RSPH4A: variants seen among roughly 807,000 people sequenced by gnomAD.
The protein encoded by RSPH4A is radial spoke head protein 4 homolog A.
RSPH4A carries 47 observed loss-of-function variants against 71.0 expected under a neutral mutation model. The ratio of observed to expected loss-of-function variants is 0.66; its 90% confidence interval spans 0.52 to 0.84. The LOEUF is 0.84. RSPH4A is among the 40% of genes least tolerant of loss of function. The pLI is 0.00. For synonymous variants in RSPH4A, 282 were observed against 302.3 expected, an observed-to-expected ratio of 0.93 and a Z score of 0.70; for missense variants, 793 against 855.2, an observed-to-expected ratio of 0.93 and a Z score of 0.91.
chr6:116,617,504 T>G (rs1320919016), intron 1 of RSPH4A, among the ~76,000 whole-genome samples, 195 bp downstream of exon 1: 2 of 148,568 alleles, frequency 1.3e-5, no homozygotes, highest in African/African-American at 5.1e-5. Flanking sequence ...TACCTTCTTT[T>G]TCTTAACCTT....
intron 5 of RSPH4A, 115 bp downstream of exon 5, chr6:116,630,667 GTTTTTTTTTTT>G (rs11459167): frequency 2.0e-5 from 5 of 250,954 alleles, no homozygotes; most frequent in African/African-American, 5.2e-5. Context: ...TTTTTTTCGT[GTTTTTTTTTTT>G]TTTTTTTTTT....
intron 2 of RSPH4A, among the ~76,000 whole-genome samples, chr6:116,625,476 G>T (rs568130451): frequency 1.3e-5 from 2 of 152,288 alleles, no homozygotes; most frequent in African/African-American, 4.8e-5. Flanking sequence ...TAAACAGTAA[G>T]AAGTTTTTAA....
In RSPH4A at chr6:116,616,558, G is replaced by C; in HGVS notation, c.-66G>C. 1.5e-6 allele frequency: 2 copies of C among 1,371,858 alleles called. No homozygotes were observed. The highest frequency in any genetic ancestry group is 3.9e-5 in the Admixed American group (2 of 51,170). The allele number at this position is 1,371,858 out of a possible 1,614,324, so 85.0% of individuals were successfully genotyped here. A position where few individuals can be genotyped will look rare whatever the true frequency, so the allele number is the denominator to read the frequency against. On this transcript the variant is annotated 5_prime_UTR_variant, in exon 1 of 6. Coordinates refer to ENST00000229554, the MANE Select transcript of RSPH4A (RefSeq NM_001010892.3). ...GAGACCGCGGCAAAGTAACTTAACT[G>C]AGTTGCCTTCTTCCATATTTTCACG... is the stretch of plus-strand genomic sequence containing the variant.
Position 116,632,391 on chromosome 6 carries a change from G to C in RSPH4A, c.2101G>C (p.Glu701Gln), listed in dbSNP as rs140660854. Residue 701 changes from glutamate to glutamine, a missense_variant, in exon 6 of 6, where the codon GAG becomes CAG. By Grantham distance (29) the Glu-to-Gln change is conservative (BLOSUM62 2). Transcript: ENST00000229554. ...AAQEAVLLAA[E>Q]NEESEEDEDE... Reference sequence around the variant, plus strand: ...ACAAGAAGCAGTTCTACTCGCAGCTGAGAATGAAGAATCTGAGGAAGATGA... The same window carrying C: ...ACAAGAAGCAGTTCTACTCGCAGCTCAGAATGAAGAATCTGAGGAAGATGA... The C allele has an allele frequency of 2.5e-4, 402 of 1,613,992 alleles. 2 individuals carry two copies. In the African/African-American group the frequency reaches 4.7e-3, roughly 19 times the overall value.
intron 1 of RSPH4A, among the ~76,000 whole-genome samples, chr6:116,618,324 G>T (rs6568953): frequency 0.36 from 54,342 of 151,934 alleles, 10,346 homozygotes; most frequent in African/African-American, 0.49. Context: ...TATACAGAGA[G>T]ACAGACTTAT....
At position 116,616,829 on chromosome 6, in the gene RSPH4A, C is replaced by A; in HGVS notation, c.206C>A (p.Thr69Lys). Reference protein sequence around the residue: ...RPWSPQSRAKTPLGGPAGPET... With the variant: ...RPWSPQSRAKKPLGGPAGPET... ...TGGAGCCCGCAGTCTAGAGCCAAGA[C>A]GCCTCTGGGTGGCCCCGCGGGACCA... Residue 69 changes from threonine to lysine, a missense_variant, in exon 1 of 6, where the codon ACG becomes AAG. By Grantham distance (78) the Thr-to-Lys change is moderately conservative. Transcript: ENST00000229554. 1 of 1,614,118 alleles carries A rather than the reference C, an allele frequency of 6.2e-7. No individual in the cohort carries two copies. The highest frequency in any genetic ancestry group is 8.5e-7 in the Non-Finnish European group (1 of 1,179,986).
chr6:116,624,428 C>T (rs1161757832), intron 2 of RSPH4A, among the ~76,000 whole-genome samples: 1 of 152,152 alleles, frequency 6.6e-6, no homozygotes, highest in East Asian at 1.9e-4. Flanking sequence ...TTTATAGGCA[C>T]AGAATTACAA....
intron 2 of RSPH4A, among the ~76,000 whole-genome samples, 180 bp from the exon 3 acceptor site, chr6:116,627,449 G>A (rs1482894919): frequency 6.6e-6 from 1 of 152,136 alleles, no homozygotes; most frequent in Admixed American, 6.5e-5. Flanking sequence ...ACCAGCCTTA[G>A]CCTCCCAAAG....
In RSPH4A at chr6:116,632,886, G is replaced by A. The variant is rs1474567663; in HGVS notation, c.*445G>A. ...TCAATACTTTTTAAAGAGTGTCAAG[G>A]GGTATGAAGACAAAAAATATTGATA... On this transcript the variant is annotated 3_prime_UTR_variant, in exon 6 of 6. Coordinates refer to ENST00000229554, the MANE Select transcript of RSPH4A (RefSeq NM_001010892.3). 1.0e-5 allele frequency: 2 copies of A among 192,272 alleles called. No individual in the cohort carries two copies. Among genetic ancestry groups the A allele is most frequent in the East Asian group, 1.3e-4 (1 of 7,636 alleles). 11.9% of individuals were successfully genotyped at this position (192,272 alleles called of 1,614,324 possible).
chr6:116,628,605 T>C (rs373197996), intron 3 of RSPH4A, among the ~76,000 whole-genome samples: 3 of 152,176 alleles, frequency 2.0e-5, no homozygotes, highest in Admixed American at 6.5e-5. Context: ...TATTTTCTAT[T>C]TGAAAATAAA....
rs1775826366 is a variant in RSPH4A at position 116,632,618 on chromosome 6, G to C, written c.*177G>C. On this transcript the variant is annotated 3_prime_UTR_variant, in exon 6 of 6. Transcript: ENST00000229554. ...TGAAATTTCATAGGTAGAAATATTA[G>C]CATTTTTATTGAAAGATACTCACAG... 2.6e-6 allele frequency: 2 copies of C among 779,738 alleles called. No individual in the cohort carries two copies. Among genetic ancestry groups the C allele is most frequent in the Non-Finnish European group, 2.0e-6 (1 of 508,144 alleles). The allele number at this position is 779,738 out of a possible 1,614,324, so 48.3% of individuals were successfully genotyped here.
intron 5 of RSPH4A, 30 bp from the exon 6 acceptor site, chr6:116,632,174 ATCT>A: frequency 6.7e-7 from 1 of 1,486,686 alleles, no homozygotes; most frequent in Non-Finnish European, 9.2e-7. Flanking sequence ...TTATATAATG[ATCT>A]TTTTTTCTTC....
rs560185647 is a variant in RSPH4A, at chr6:116,632,210, G to A, written c.1920G>A (p.Lys640=). The change falls in exon 6 of 6, where the codon AAG becomes AAA. Residue 640 remains lysine, a synonymous_variant. Coordinates refer to ENST00000229554, the MANE Select transcript of RSPH4A (RefSeq NM_001010892.3). ...PGAYAFSNGK[K]FENFYIGWGH... Reference sequence around the variant, plus strand: ...TTCTTCTTTTTCTTACTTATAGAAAGTTTGAAAATTTCTACATAGGCTGGG... The same window carrying A: ...TTCTTCTTTTTCTTACTTATAGAAAATTTGAAAATTTCTACATAGGCTGGG... 5.3e-5 allele frequency: 85 copies of A among 1,605,120 alleles called. 1 individual carries two copies. The South Asian group carries it at 8.9e-4, about 17-fold the overall frequency.
At chr6:116,619,163 A>G (rs1371328096) in intron 1 of RSPH4A, among the ~76,000 whole-genome samples, 2 of 152,000 alleles carry the variant, frequency 1.3e-5, no homozygotes, top group Admixed American at 6.6e-5. Context: ...CCTTTTATGG[A>G]TATGTTATTG....
intron 2 of RSPH4A, 29 bp from the exon 3 acceptor site, chr6:116,627,600 A>C: frequency 1.3e-6 from 2 of 1,546,820 alleles, no homozygotes; most frequent in Non-Finnish European, 1.8e-6. Flanking sequence ...CTTATTGATA[A>C]ATTTTAACCA....
chr6:116,629,439 T>C (rs1239826788), intron 3 of RSPH4A, 128 bp from the exon 4 acceptor site: 1 of 998,736 alleles, frequency 1.0e-6, no homozygotes, highest in East Asian at 2.4e-5. Context: ...AAAATGTATG[T>C]AGAATGAATG....
chr6:116,617,218 G>T lies in RSPH4A; in HGVS notation c.595G>T (p.Gly199Cys), dbSNP rs1197852948. 5.0e-6 allele frequency: 8 copies of T among 1,614,162 alleles called. No individual in the cohort carries two copies. Among genetic ancestry groups the T allele is most frequent in the Non-Finnish European group, 6.8e-6 (8 of 1,180,022 alleles). ...TGATTTACAGCAGCCGGCGCCTGGGGGCTCTGAAGTGGCCCCCAGCATGCT... is the reference window on the plus strand; with the variant it reads ...TGATTTACAGCAGCCGGCGCCTGGGTGCTCTGAAGTGGCCCCCAGCATGCT... ...DYDLQQPAPG[G>C]SEVAPSMLEI... Residue 199 changes from glycine to cysteine, a missense_variant, in exon 1 of 6, where the codon GGC becomes TGC. Physicochemically the swap from Gly to Cys is radical, Grantham distance 159. Coordinates refer to ENST00000229554, the MANE Select transcript of RSPH4A (RefSeq NM_001010892.3).
At chr6:116,630,170 C>T (rs1047523794) in intron 4 of RSPH4A, among the ~76,000 whole-genome samples, 49 of 152,146 alleles carry the variant, frequency 3.2e-4, no homozygotes, top group African/African-American at 1.1e-3. Context: ...CTCACTCTAC[C>T]ACATAAGCCT....
chr6:116,622,811 C>T lies in RSPH4A; in HGVS notation c.730C>T (p.Arg244Cys), dbSNP rs778774449. 7 of 1,611,754 alleles carry T rather than the reference C, an allele frequency of 4.3e-6. No individual in the cohort carries two copies. Among genetic ancestry groups the T allele is most frequent in the African/African-American group, 1.3e-5 (1 of 74,808 alleles). ...SNMLTKILNE[R>C]PENAVDIFEN... ...TATGTTGACCAAGATATTAAATGAG[C>T]GTCCTGAAAATGCTGTTGACATCTT... Residue 244 changes from arginine (R) to cysteine (C), a missense_variant, in exon 2 of 6, where the codon CGT (arginine) becomes TGT (cysteine). Arg to Cys is a radical substitution (Grantham distance 180). Transcript: ENST00000229554.
Sources: gnomAD v4.1 joint callset for allele counts (sites outside exome capture counted in the v4.1 genomes callset) on GRCh38, gnomAD v4.1.1 for gene constraint, MANE v1.5 for transcripts, NCBI Gene and HGNC (gene_info 2026-07-23, HGNC 2026-07-21) for gene names.